Variants in KHDRBS2 observed in about 807,000 individuals in gnomAD.
KHDRBS2 encodes KH RNA binding domain containing, signal transduction associated 2.
In KHDRBS2, 26 loss-of-function variants were observed where a neutral mutation model predicts 44.3. That is an observed-to-expected ratio of 0.59 (90% CI 0.43 to 0.81). The LOEUF is 0.81. Among genes scored for constraint, KHDRBS2 ranks in the 40% least tolerant of loss-of-function variants. KHDRBS2 has a pLI of 0.00. For synonymous variants in KHDRBS2, 194 were observed against 151.1 expected, an observed-to-expected ratio of 1.28 and a Z score of -2.08; for missense variants, 476 against 433.1, an observed-to-expected ratio of 1.10 and a Z score of -0.88.
At chr6:61,704,305 A>C (rs1032055105) in intron 7 of KHDRBS2, among the ~76,000 whole-genome samples, 2 of 151,890 alleles carry the variant, frequency 1.3e-5, no homozygotes, top group African/African-American at 4.8e-5. Context: ...ATTACAGTCT[A>C]ATAGAAAAAC....
At chr6:61,871,082 A>T (rs926070764) in intron 6 of KHDRBS2, among the ~76,000 whole-genome samples, 1 of 152,142 alleles carries the variant, frequency 6.6e-6, no homozygotes, top group Admixed American at 6.5e-5. Context: ...GCATGTTCTA[A>T]CCCAATGCAA....
intron 1 of KHDRBS2, among the ~76,000 whole-genome samples, chr6:62,205,635 GAGAAA>G (rs1827819130): frequency 6.6e-6 from 1 of 152,028 alleles, no homozygotes; most frequent in African/African-American, 2.4e-5. Context: ...GTGCATTAGA[GAGAAA>G]AGAAAAGAGT....
chr6:62,038,209 C>T (rs950961441), intron 3 of KHDRBS2, among the ~76,000 whole-genome samples: 9 of 151,984 alleles, frequency 5.9e-5, no homozygotes, highest in African/African-American at 2.2e-4. Flanking sequence ...GTATCCCTGG[C>T]ATTTCATTTT....
chr6:62,103,066 T>C (rs1161369463), intron 2 of KHDRBS2, among the ~76,000 whole-genome samples: 3 of 152,032 alleles, frequency 2.0e-5, no homozygotes, highest in African/African-American at 7.2e-5. Flanking sequence ...TGCATGCTGA[T>C]TGGTCCATGG....
intron 4 of KHDRBS2, among the ~76,000 whole-genome samples, chr6:61,931,109 T>C (rs1300007687): frequency 6.6e-6 from 1 of 151,934 alleles, no homozygotes; most frequent in Non-Finnish European, 1.5e-5. Flanking sequence ...TTCATCCTTA[T>C]AATGAAAAAA....
chr6:61,712,685 A>G (rs1242602660), intron 7 of KHDRBS2, among the ~76,000 whole-genome samples: 1 of 151,882 alleles, frequency 6.6e-6, no homozygotes, highest in African/African-American at 2.4e-5. Context: ...GGATAAAATT[A>G]TCTACTTCAT....
intron 2 of KHDRBS2, among the ~76,000 whole-genome samples, chr6:62,048,253 A>G (rs543831469): frequency 6.6e-6 from 1 of 151,844 alleles, no homozygotes; most frequent in Non-Finnish European, 1.5e-5. Flanking sequence ...TGTTGAAAAT[A>G]TCATTTACAT....
At chr6:62,168,693 GT>G (rs2150117195) in intron 2 of KHDRBS2, among the ~76,000 whole-genome samples, 1 of 152,110 alleles carries the variant, frequency 6.6e-6, no homozygotes, top group East Asian at 1.9e-4. Flanking sequence ...CCTAAGCTAT[GT>G]GTTTATTCTT....
intron 2 of KHDRBS2, among the ~76,000 whole-genome samples, chr6:62,091,968 C>A (rs1335967456): frequency 2.6e-5 from 4 of 152,018 alleles, no homozygotes; most frequent in Non-Finnish European, 5.9e-5. Context: ...AATCAAGGAG[C>A]CTTTAAGTGG....
chr6:61,886,205 GA>G (rs1182591295), intron 6 of KHDRBS2, among the ~76,000 whole-genome samples: 3 of 152,100 alleles, frequency 2.0e-5, no homozygotes, highest in Non-Finnish European at 2.9e-5. Context: ...TATTATAAGT[GA>G]AGTTACAACC....
chr6:61,996,066 T>A (rs144368372), intron 3 of KHDRBS2, among the ~76,000 whole-genome samples: 1 of 152,328 alleles, frequency 6.6e-6, no homozygotes, highest in East Asian at 1.9e-4. Flanking sequence ...TAACTACTTC[T>A]GGATCTATGA....
At chr6:61,612,839 C>CTT in the KHDRBS2 span, among the ~76,000 whole-genome samples, 288 of 77,432 alleles carry the variant, frequency 3.7e-3, 20 homozygotes, top group African/African-American at 0.012. Context: ...AAAATGCAGC[C>CTT]TTTTTTTTTT....
At chr6:62,017,403 T>C (rs1423641123) in intron 3 of KHDRBS2, among the ~76,000 whole-genome samples, 1 of 152,126 alleles carries the variant, frequency 6.6e-6, no homozygotes, top group Non-Finnish European at 1.5e-5. Flanking sequence ...TGAAATATGA[T>C]CTGAAATAAT....
chr6:61,671,812 G>T, the KHDRBS2 span, among the ~76,000 whole-genome samples: 9 of 151,622 alleles, frequency 5.9e-5, no homozygotes, highest in African/African-American at 2.2e-4. Flanking sequence ...TATATTTCTA[G>T]TTTGAAATTG....
At chr6:61,783,472 C>T (rs1350921001) in intron 6 of KHDRBS2, among the ~76,000 whole-genome samples, 3 of 152,038 alleles carry the variant, frequency 2.0e-5, no homozygotes, top group Non-Finnish European at 2.9e-5. Context: ...ATGTAGCAAG[C>T]ACTCATTATA....
At chr6:62,160,601 T>C (rs1817417665) in intron 2 of KHDRBS2, among the ~76,000 whole-genome samples, 1 of 152,076 alleles carries the variant, frequency 6.6e-6, no homozygotes, top group African/African-American at 2.4e-5. Context: ...GGCCTATATG[T>C]TTAAAGATGA....
At chr6:61,646,974 C>T in the KHDRBS2 span, among the ~76,000 whole-genome samples, 1 of 152,016 alleles carries the variant, frequency 6.6e-6, no homozygotes, top group African/African-American at 2.4e-5. Flanking sequence ...CACCCACCAC[C>T]ATGCCCGGCT....
intron 3 of KHDRBS2, among the ~76,000 whole-genome samples, chr6:62,044,582 C>T (rs1224819032): frequency 6.6e-6 from 1 of 151,984 alleles, no homozygotes; most frequent in Non-Finnish European, 1.5e-5. Flanking sequence ...AAGCAATCTG[C>T]ATTATCATGT....
intron 2 of KHDRBS2, among the ~76,000 whole-genome samples, chr6:62,082,730 A>G (rs1797641682): frequency 6.6e-6 from 1 of 152,180 alleles, no homozygotes; most frequent in East Asian, 1.9e-4. Flanking sequence ...GGAAACAGGT[A>G]TAAAATAGAG....
Sources: gnomAD v4.1 joint callset for allele counts (sites outside exome capture counted in the v4.1 genomes callset) on GRCh38, gnomAD v4.1.1 for gene constraint, MANE v1.5 for transcripts, NCBI Gene and HGNC (gene_info 2026-07-23, HGNC 2026-07-21) for gene names.